Variants in CSMD1 observed in about 807,000 individuals in gnomAD.
CSMD1 encodes the protein CUB and sushi domain-containing protein 1.
Under a neutral mutation model 417.5 loss-of-function variants are expected in CSMD1, and 213 were observed. The ratio of observed to expected loss-of-function variants is 0.51; its 90% CI spans 0.46 to 0.57. CSMD1 has a LOEUF of 0.57. Among genes scored for constraint, CSMD1 ranks in the 20% least tolerant of loss-of-function variants. The pLI, the probability that CSMD1 is intolerant of heterozygous loss-of-function variation, is 0.00. For synonymous variants in CSMD1, 2,862 were observed against 1,736.8 expected, an observed-to-expected ratio of 1.65 and a Z score of -16.11; for missense variants, 6,923 against 4,529.7, an observed-to-expected ratio of 1.53 and a Z score of -15.17.
intron 2 of CSMD1, among the ~76,000 whole-genome samples, chr8:4,513,583 C>A (rs1195151490): frequency 6.6e-6 from 1 of 152,112 alleles, no homozygotes; most frequent in East Asian, 1.9e-4. Context: ...TGATTAAGCA[C>A]ATTTGTGTTA....
intron 3 of CSMD1, among the ~76,000 whole-genome samples, chr8:4,144,970 G>A (rs757506016): frequency 6.6e-6 from 1 of 150,892 alleles, no homozygotes; most frequent in Admixed American, 6.6e-5. Flanking sequence ...ACAGAAGGGA[G>A]GATAGCATTT....
At chr8:3,811,111 CTG>C (rs1316109763) in intron 5 of CSMD1, among the ~76,000 whole-genome samples, 1 of 152,146 alleles carries the variant, frequency 6.6e-6, no homozygotes, top group African/African-American at 2.4e-5. Flanking sequence ...GGTGACTCCT[CTG>C]TGTGTACCTA....
At chr8:4,082,129 G>C (rs1020927694) in intron 3 of CSMD1, among the ~76,000 whole-genome samples, 1 of 151,972 alleles carries the variant, frequency 6.6e-6, no homozygotes, top group African/African-American at 2.4e-5. Flanking sequence ...ACTACATTAG[G>C]AATAAAAGAT....
At chr8:3,290,667 A>G (rs556871303) in intron 25 of CSMD1, among the ~76,000 whole-genome samples, 1 of 147,348 alleles carries the variant, frequency 6.8e-6, no homozygotes, top group Non-Finnish European at 1.5e-5. Context: ...ATTTTTGCAC[A>G]TTGATTTTGT....
At chr8:2,985,475 C>T (rs1805814016) in intron 54 of CSMD1, among the ~76,000 whole-genome samples, 1 of 152,168 alleles carries the variant, frequency 6.6e-6, no homozygotes, top group Non-Finnish European at 1.5e-5. Flanking sequence ...TGGTGTGATA[C>T]TGCTACACTG....
chr8:3,611,876 T>C (rs1584959569), intron 8 of CSMD1, among the ~76,000 whole-genome samples: 1 of 152,062 alleles, frequency 6.6e-6, no homozygotes, highest in Admixed American at 6.5e-5. Context: ...TAAATTTTGA[T>C]GTAAGAAAAT....
intron 1 of CSMD1, among the ~76,000 whole-genome samples, chr8:4,884,147 C>T (rs1803578957): frequency 6.6e-6 from 1 of 151,978 alleles, no homozygotes; most frequent in Non-Finnish European, 1.5e-5. Flanking sequence ...TCTATTCACA[C>T]CTTTTGCTTC....
At chr8:3,432,177 G>C (rs913046261) in intron 12 of CSMD1, among the ~76,000 whole-genome samples, 5 of 152,040 alleles carry the variant, frequency 3.3e-5, no homozygotes, top group Non-Finnish European at 1.5e-5. Flanking sequence ...TCTTAATCTG[G>C]GCATTATAAT....
intron 1 of CSMD1, among the ~76,000 whole-genome samples, chr8:4,666,171 G>A (rs1377497367): frequency 6.6e-6 from 1 of 152,076 alleles, no homozygotes; most frequent in Non-Finnish European, 1.5e-5. Context: ...GCAGAATAAT[G>A]ACCTCCCAAG....
chr8:3,374,398 T>G (rs35018806), intron 18 of CSMD1, among the ~76,000 whole-genome samples: 1 of 152,074 alleles, frequency 6.6e-6, no homozygotes, highest in Non-Finnish European at 1.5e-5. Flanking sequence ...CATAGAACAA[T>G]GAATAAGACA....
intron 10 of CSMD1, among the ~76,000 whole-genome samples, chr8:3,512,588 TTTAA>T (rs1386095802): frequency 6.8e-6 from 1 of 147,652 alleles, no homozygotes; most frequent in Non-Finnish European, 1.5e-5. Flanking sequence ...AGGAGCTTAC[TTTAA>T]TTTTTTTCTT....
chr8:4,700,986 G>A (rs932481154), intron 1 of CSMD1, among the ~76,000 whole-genome samples: 1 of 152,166 alleles, frequency 6.6e-6, no homozygotes, highest in Non-Finnish European at 1.5e-5. Context: ...CTAATAATAA[G>A]TGAGTTTAGG....
intron 26 of CSMD1, among the ~76,000 whole-genome samples, chr8:3,237,906 T>TATACTATAA (rs1799259324): frequency 6.8e-6 from 1 of 146,424 alleles, no homozygotes; most frequent in African/African-American, 2.5e-5. Flanking sequence ...TAATTATACT[T>TATACTATAA]ATATATTTTT....
At chr8:3,147,808 A>C (rs535769528) in intron 40 of CSMD1, among the ~76,000 whole-genome samples, 130 of 152,340 alleles carry the variant, frequency 8.5e-4, no homozygotes, top group African/African-American at 3.0e-3. Context: ...CAAACCTCTG[A>C]AAACCGAGGA....
intron 3 of CSMD1, among the ~76,000 whole-genome samples, chr8:4,037,860 T>G (rs1362149682): frequency 1.3e-5 from 2 of 152,088 alleles, no homozygotes; most frequent in Non-Finnish European, 2.9e-5. Context: ...AGATCATATA[T>G]TCTCGTATAC....
chr8:3,767,697 T>C (rs1339840287), intron 5 of CSMD1, among the ~76,000 whole-genome samples: 2 of 152,192 alleles, frequency 1.3e-5, no homozygotes, highest in African/African-American at 2.4e-5. Context: ...ATGTATATTA[T>C]ACAGTGTATG....
At chr8:4,306,235 G>C (rs1037448505) in intron 3 of CSMD1, among the ~76,000 whole-genome samples, 6 of 152,102 alleles carry the variant, frequency 3.9e-5, no homozygotes, top group African/African-American at 9.7e-5. Context: ...AAAATATCAC[G>C]ACACTAACAA....
At chr8:4,550,004 C>G (rs557587074) in intron 2 of CSMD1, among the ~76,000 whole-genome samples, 1 of 150,034 alleles carries the variant, frequency 6.7e-6, no homozygotes, top group South Asian at 2.1e-4. Context: ...TTCTGTTAAT[C>G]AAGGACAAGA....
chr8:3,418,339 A>T (rs1813287192), intron 12 of CSMD1, among the ~76,000 whole-genome samples: 1 of 152,104 alleles, frequency 6.6e-6, no homozygotes, highest in Non-Finnish European at 1.5e-5. Flanking sequence ...AGATTTTCAA[A>T]CTTGTTTATA....
Sources: allele counts gnomAD v4.1 joint callset (sites outside exome capture counted in the v4.1 genomes callset), GRCh38; gene constraint gnomAD v4.1.1; transcripts MANE v1.5; gene names NCBI Gene and HGNC (gene_info 2026-07-23, HGNC 2026-07-21).